The following ZNF892 variants were observed in gnomAD, a reference collection of about 807,000 sequenced individuals.
The protein encoded by ZNF892 is zinc finger protein 892.
chr2:95,258,725 T>G, the ZNF892 span, among the ~76,000 whole-genome samples: 1 of 152,152 alleles, frequency 6.6e-6, no homozygotes, highest in South Asian at 2.1e-4. Context: ...TTCCTACCTC[T>G]CCCAGGGCCC....
chr2:95,217,691 A>G, the ZNF892 span, among the ~76,000 whole-genome samples: 1 of 152,210 alleles, frequency 6.6e-6, no homozygotes, highest in Non-Finnish European at 1.5e-5. Flanking sequence ...GGCAAATTCC[A>G]TTAGGCCTTC....
At chr2:95,230,165 C>T in the ZNF892 span, among the ~76,000 whole-genome samples, 4 of 151,894 alleles carry the variant, frequency 2.6e-5, no homozygotes, top group Admixed American at 1.3e-4. Flanking sequence ...GGGAGCTAAG[C>T]GATGAGGATG....
chr2:95,244,469 A>G, the ZNF892 span, among the ~76,000 whole-genome samples: 6 of 152,330 alleles, frequency 3.9e-5, no homozygotes, highest in Middle Eastern at 6.8e-3. Context: ...ACGTAATGGT[A>G]ACGCATTCAA....
chr2:95,233,598 G>A, the ZNF892 span, among the ~76,000 whole-genome samples: 2 of 148,694 alleles, frequency 1.3e-5, no homozygotes, highest in African/African-American at 2.5e-5. Flanking sequence ...GCGTGAAACC[G>A]GGAGGCGGAG....
chr2:95,224,032 G>A, the ZNF892 span, among the ~76,000 whole-genome samples: 1 of 152,184 alleles, frequency 6.6e-6, no homozygotes, highest in Non-Finnish European at 1.5e-5. Flanking sequence ...CCCTTGTGAG[G>A]ACACAATGAA....
At chr2:95,255,979 A>G in the ZNF892 span, among the ~76,000 whole-genome samples, 1 of 152,056 alleles carries the variant, frequency 6.6e-6, no homozygotes, top group Non-Finnish European at 1.5e-5. Context: ...GTGTCTCTGC[A>G]CTTGAGATTG....
the ZNF892 span, among the ~76,000 whole-genome samples, chr2:95,216,215 T>C: frequency 6.6e-6 from 1 of 152,192 alleles, no homozygotes; most frequent in African/African-American, 2.4e-5. Context: ...GTTGAAAAGT[T>C]TCTGTGAGGG....
At chr2:95,256,928 T>A in the ZNF892 span, among the ~76,000 whole-genome samples, 3 of 152,206 alleles carry the variant, frequency 2.0e-5, no homozygotes, top group Non-Finnish European at 1.5e-5. Context: ...CTCCATCAGG[T>A]CCTTTAAGGA....
the ZNF892 span, among the ~76,000 whole-genome samples, chr2:95,229,213 C>G: frequency 6.6e-6 from 1 of 152,208 alleles, no homozygotes; most frequent in South Asian, 2.1e-4. Flanking sequence ...TCTAAATTAA[C>G]TGAGACCTGT....
chr2:95,216,050 A>C, the ZNF892 span, among the ~76,000 whole-genome samples: 2 of 152,214 alleles, frequency 1.3e-5, no homozygotes, highest in African/African-American at 4.8e-5. Context: ...GTGGAAGGGA[A>C]GTTGTCCTTC....
the ZNF892 span, among the ~76,000 whole-genome samples, chr2:95,262,839 A>T: frequency 3.9e-5 from 6 of 152,224 alleles, no homozygotes; most frequent in African/African-American, 1.4e-4. Context: ...TGACACAGAA[A>T]TCCCCCTTCT....
the ZNF892 span, among the ~76,000 whole-genome samples, chr2:95,257,769 G>A: frequency 1.1e-4 from 16 of 152,278 alleles, no homozygotes; most frequent in Admixed American, 5.2e-4. Context: ...CGGCAGTGGC[G>A]GGCGCCCCTC....
chr2:95,257,404 T>A, the ZNF892 span, among the ~76,000 whole-genome samples: 1 of 152,092 alleles, frequency 6.6e-6, no homozygotes, highest in African/African-American at 2.4e-5. Context: ...AAACAGCAAA[T>A]GTTGCTGCCT....
At chr2:95,253,283 G>A in the ZNF892 span, among the ~76,000 whole-genome samples, 1 of 152,148 alleles carries the variant, frequency 6.6e-6, no homozygotes, top group Non-Finnish European at 1.5e-5. Context: ...AAGGGATCCA[G>A]TTTCAGCTTT....
the ZNF892 span, among the ~76,000 whole-genome samples, chr2:95,236,844 C>T: frequency 6.6e-6 from 1 of 152,144 alleles, no homozygotes; most frequent in Admixed American, 6.6e-5. Context: ...CTGTGGAATA[C>T]AATACCTTAA....
At chr2:95,209,045 A>G in the ZNF892 span, among the ~76,000 whole-genome samples, 1 of 152,250 alleles carries the variant, frequency 6.6e-6, no homozygotes, top group Non-Finnish European at 1.5e-5. Flanking sequence ...TGAGAAATAC[A>G]TAAATAAAAT....
chr2:95,261,060 C>T, the ZNF892 span, among the ~76,000 whole-genome samples: 3 of 152,094 alleles, frequency 2.0e-5, no homozygotes, highest in Non-Finnish European at 4.4e-5. Context: ...CAGACAGAAC[C>T]CCATATGATG....
At chr2:95,256,734 C>G in the ZNF892 span, among the ~76,000 whole-genome samples, 1 of 152,194 alleles carries the variant, frequency 6.6e-6, no homozygotes, top group African/African-American at 2.4e-5. Context: ...TTGGTCTTTT[C>G]ACATAGTCCC....
the ZNF892 span, among the ~76,000 whole-genome samples, chr2:95,255,967 G>C: frequency 6.6e-6 from 1 of 152,118 alleles, no homozygotes; most frequent in African/African-American, 2.4e-5. Context: ...TTGAGCCTAT[G>C]TGTGTCTCTG....
Sources: gnomAD v4.1 joint callset for allele counts (sites outside exome capture counted in the v4.1 genomes callset) on GRCh38, gnomAD v4.1.1 for gene constraint, MANE v1.5 for transcripts, NCBI Gene and HGNC (gene_info 2026-07-23, HGNC 2026-07-21) for gene names.